The following ATP10B variants were observed in gnomAD, a reference collection of about 807,000 sequenced individuals.
ATP10B encodes phospholipid-transporting ATPase VB.
A neutral mutation model predicts 141.2 loss-of-function variants in ATP10B; 122 were observed. The observed-to-expected ratio is 0.86, with a 90% CI of 0.75 to 1.00. The LOEUF (loss-of-function observed/expected upper bound fraction) is 1.00, where lower values mean the gene tolerates loss of function less well. Among genes scored for constraint, ATP10B ranks in the 50% least tolerant of loss-of-function variants. The pLI is 0.00. For synonymous variants in ATP10B, 685 were observed against 692.0 expected (o/e 0.99, Z 0.16); for missense variants, 1,876 against 1,825.3 (o/e 1.03, Z -0.51).
At chr5:160,917,838 G>A in the ATP10B span, among the ~76,000 whole-genome samples, 8 of 152,184 alleles carry the variant, frequency 5.3e-5, no homozygotes, top group African/African-American at 1.9e-4. Flanking sequence ...CTCAGCAGTT[G>A]TTAGCTGCAG....
At chr5:160,888,111 C>T in the ATP10B span, among the ~76,000 whole-genome samples, 5 of 152,222 alleles carry the variant, frequency 3.3e-5, no homozygotes, top group African/African-American at 9.6e-5. Context: ...CCTGCCTCCA[C>T]ATGCAGTTGT....
At chr5:160,616,947 G>C (rs1758055497) in intron 16 of ATP10B, among the ~76,000 whole-genome samples, 1 of 152,180 alleles carries the variant, frequency 6.6e-6, no homozygotes, top group South Asian at 2.1e-4. Flanking sequence ...GCATGAGGGA[G>C]GGCTGATTAG....
chr5:160,648,338 C>T (rs956201134), intron 8 of ATP10B, among the ~76,000 whole-genome samples: 2 of 152,180 alleles, frequency 1.3e-5, no homozygotes, highest in Non-Finnish European at 2.9e-5. Context: ...ATTATTACTA[C>T]TTAGCTCATC....
intron 22 of ATP10B, among the ~76,000 whole-genome samples, chr5:160,596,698 C>T (rs1044128992): frequency 6.6e-6 from 1 of 151,894 alleles, no homozygotes; most frequent in Non-Finnish European, 1.5e-5. Context: ...AGCAAAGTCT[C>T]AGGATACAAA....
chr5:160,717,494 C>T (rs1159490006), intron 2 of ATP10B, among the ~76,000 whole-genome samples: 1 of 152,088 alleles, frequency 6.6e-6, no homozygotes, highest in African/African-American at 2.4e-5. Flanking sequence ...AAGTTCAAGC[C>T]CTCAGTGAAC....
At chr5:160,610,417 C>T (rs1209968772) in intron 18 of ATP10B, among the ~76,000 whole-genome samples, 1 of 152,150 alleles carries the variant, frequency 6.6e-6, no homozygotes, top group African/African-American at 2.4e-5. Context: ...GCCCACAGCC[C>T]TGACCAACAG....
chr5:160,657,798 T>C (rs1421515987), intron 7 of ATP10B, among the ~76,000 whole-genome samples: 1 of 152,204 alleles, frequency 6.6e-6, no homozygotes, highest in African/African-American at 2.4e-5. Context: ...ATCTCTCTTG[T>C]TTACTTCTGG....
At chr5:160,768,145 T>C (rs984733856) in intron 2 of ATP10B, among the ~76,000 whole-genome samples, 1 of 152,180 alleles carries the variant, frequency 6.6e-6, no homozygotes, top group African/African-American at 2.4e-5. Context: ...GTCATCTTCC[T>C]CTTATTTCTT....
At chr5:160,686,037 TAACC>T in intron 6 of ATP10B, 38 bp downstream of exon 6, 1 of 1,453,878 alleles carries the variant, frequency 6.9e-7, no homozygotes, top group South Asian at 1.5e-5. Context: ...TGAGTTTGCC[TAACC>T]CATTTGCAAG....
At chr5:160,686,747 G>T (rs1351294781) in intron 5 of ATP10B, among the ~76,000 whole-genome samples, 1 of 152,052 alleles carries the variant, frequency 6.6e-6, no homozygotes, top group Non-Finnish European at 1.5e-5. Flanking sequence ...CACAAAATGG[G>T]GATAGTATTA....
chr5:160,905,606 AC>A, the ATP10B span, among the ~76,000 whole-genome samples: 1 of 152,228 alleles, frequency 6.6e-6, no homozygotes, highest in South Asian at 2.1e-4. Context: ...AAATAATAAG[AC>A]CTTTGCATGG....
chr5:160,766,814 T>C (rs1769475156), intron 2 of ATP10B, among the ~76,000 whole-genome samples: 2 of 152,198 alleles, frequency 1.3e-5, no homozygotes, highest in South Asian at 4.1e-4. Context: ...GAATTAGCTT[T>C]AGAAAAAAAA....
At chr5:160,744,434 G>T (rs575746009) in intron 2 of ATP10B, among the ~76,000 whole-genome samples, 1 of 152,186 alleles carries the variant, frequency 6.6e-6, no homozygotes, top group Non-Finnish European at 1.5e-5. Context: ...CTCTGACTGA[G>T]TTCCCAGAGC....
At chr5:160,777,956 G>C (rs1372218546) in intron 2 of ATP10B, among the ~76,000 whole-genome samples, 1 of 142,920 alleles carries the variant, frequency 7.0e-6, no homozygotes, top group Admixed American at 7.1e-5. Flanking sequence ...TACAGAGACT[G>C]GGTGTATCAC....
intron 24 of ATP10B, among the ~76,000 whole-genome samples, chr5:160,588,777 G>A (rs142783435): frequency 1.3e-5 from 2 of 152,232 alleles, no homozygotes; most frequent in East Asian, 3.9e-4. Flanking sequence ...GGTATAGACA[G>A]AATTGTAAGC....
At chr5:160,601,095 C>T (rs988459619) in intron 21 of ATP10B, among the ~76,000 whole-genome samples, 2 of 152,190 alleles carry the variant, frequency 1.3e-5, no homozygotes, top group South Asian at 2.1e-4. Context: ...TCTAAATAAA[C>T]AGTCTTTCAC....
chr5:160,794,039 T>C (rs1771778293), intron 1 of ATP10B, among the ~76,000 whole-genome samples: 1 of 152,224 alleles, frequency 6.6e-6, no homozygotes, highest in Non-Finnish European at 1.5e-5. Context: ...AAAACATATT[T>C]CTCAGAATGT....
chr5:160,636,078 T>G, intron 11 of ATP10B, 104 bp downstream of exon 11: 2 of 1,296,812 alleles, frequency 1.5e-6, no homozygotes, highest in Non-Finnish European at 2.1e-6. Context: ...CTCAATCCAG[T>G]TTGTACTTTC....
intron 7 of ATP10B, 126 bp downstream of exon 7, chr5:160,670,337 G>A: frequency 1.2e-6 from 1 of 826,490 alleles, no homozygotes. Context: ...TGTATCTAAA[G>A]TGCTAGGGAA....
Sources: allele counts gnomAD v4.1 joint callset (sites outside exome capture counted in the v4.1 genomes callset), GRCh38; gene constraint gnomAD v4.1.1; transcripts MANE v1.5; gene names NCBI Gene and HGNC (gene_info 2026-07-23, HGNC 2026-07-21).